LARGE1: variants seen among roughly 807,000 people sequenced by gnomAD.
LARGE1 encodes the protein xylosyl- and glucuronyltransferase LARGE1.
LARGE1 carries 43 observed loss-of-function variants against 87.6 expected under a neutral mutation model. The observed-to-expected ratio is 0.49, with a 90% CI of 0.38 to 0.63. The LOEUF is 0.63. Among genes scored for constraint, LARGE1 ranks in the 30% least tolerant of loss-of-function variants. The pLI, the probability that LARGE1 is intolerant of heterozygous loss-of-function variation, is 0.00. For synonymous variants in LARGE1, 434 were observed against 394.6 expected (o/e 1.10, Z -1.18); for missense variants, 802 against 1,000.2 (o/e 0.80, Z 2.67).
the LARGE1 span, among the ~76,000 whole-genome samples, chr22:33,136,940 A>AAT: frequency 6.6e-6 from 1 of 152,130 alleles, no homozygotes; most frequent in African/African-American, 2.4e-5. Flanking sequence ...AAGGTAAAAA[A>AAT]AAAAATAAAC....
chr22:33,766,085 C>G (rs1015118008), intron 1 of LARGE1, among the ~76,000 whole-genome samples: 3 of 152,108 alleles, frequency 2.0e-5, no homozygotes, highest in African/African-American at 7.2e-5. Flanking sequence ...GAAGTCAACA[C>G]AGAAATCAAC....
intron 2 of LARGE1, among the ~76,000 whole-genome samples, chr22:33,702,534 C>T (rs1489364162): frequency 6.6e-6 from 1 of 152,146 alleles, no homozygotes; most frequent in African/African-American, 2.4e-5. Flanking sequence ...ATTAGACAGT[C>T]GAAGGGACAG....
chr22:33,596,880 AC>A (rs2078990411), intron 5 of LARGE1, among the ~76,000 whole-genome samples: 2 of 152,300 alleles, frequency 1.3e-5, no homozygotes, highest in Admixed American at 6.5e-5. Flanking sequence ...AGCCAGAAAT[AC>A]CCATTTTGAT....
chr22:33,556,305 T>TA (rs1489744663), intron 6 of LARGE1, among the ~76,000 whole-genome samples: 1 of 151,910 alleles, frequency 6.6e-6, no homozygotes, highest in Non-Finnish European at 1.5e-5. Context: ...GCAACAGACT[T>TA]AAAGAGTTTT....
intron 1 of LARGE1, among the ~76,000 whole-genome samples, chr22:33,795,452 G>A (rs1231057128): frequency 1.3e-5 from 2 of 152,156 alleles, no homozygotes; most frequent in Non-Finnish European, 2.9e-5. Flanking sequence ...GAGACAAAGA[G>A]AGAAACACAC....
chr22:33,496,540 C>A (rs1257269178), intron 6 of LARGE1, among the ~76,000 whole-genome samples: 1 of 152,084 alleles, frequency 6.6e-6, no homozygotes, highest in African/African-American at 2.4e-5. Context: ...GCTGAGTCTG[C>A]CAGCAACTTG....
At chr22:33,309,602 C>T (rs1473492594) in intron 11 of LARGE1, among the ~76,000 whole-genome samples, 1 of 152,234 alleles carries the variant, frequency 6.6e-6, no homozygotes, top group African/African-American at 2.4e-5. Flanking sequence ...TGATCTTGGA[C>T]TTCCAGCCTC....
chr22:33,334,536 G>C (rs1938199449), intron 10 of LARGE1, among the ~76,000 whole-genome samples: 1 of 152,196 alleles, frequency 6.6e-6, no homozygotes, highest in South Asian at 2.1e-4. Context: ...TCACAGCTGA[G>C]ACATTTAAAC....
intron 1 of LARGE1, among the ~76,000 whole-genome samples, chr22:33,783,912 G>A (rs1336951852): frequency 6.6e-6 from 1 of 152,128 alleles, no homozygotes; most frequent in Admixed American, 6.6e-5. Context: ...TCCTCAATGG[G>A]CTCTAAAAAG....
intron 2 of LARGE1, among the ~76,000 whole-genome samples, chr22:33,749,689 A>G (rs1056995129): frequency 2.0e-5 from 3 of 152,186 alleles, no homozygotes; most frequent in African/African-American, 7.2e-5. Context: ...ACAAAATGCA[A>G]ACTGCATTAA....
chr22:33,820,413 G>A (rs553449452), intron 1 of LARGE1, among the ~76,000 whole-genome samples: 12 of 151,916 alleles, frequency 7.9e-5, no homozygotes, highest in South Asian at 2.1e-4. Context: ...CCTCAAACTC[G>A]GGGGCTCAAC....
At chr22:33,545,929 T>C (rs5749627) in intron 6 of LARGE1, among the ~76,000 whole-genome samples, 67,932 of 152,076 alleles carry the variant, frequency 0.45, 15,754 homozygotes, top group Admixed American at 0.52. Flanking sequence ...TCTGCTGTTG[T>C]GCTCAACCTC....
downstream of LARGE1, chr22:33,162,148 C>T (rs1922049227): frequency 6.6e-6 from 1 of 152,226 alleles, no homozygotes; most frequent in African/African-American, 2.4e-5. Context: ...GCACCCCACT[C>T]TCATTATAAT....
chr22:33,178,447 T>A (rs1437508812), intron 11 of LARGE1, among the ~76,000 whole-genome samples: 28 of 152,196 alleles, frequency 1.8e-4, no homozygotes, highest in Non-Finnish European at 4.4e-5. Flanking sequence ...ACTCAAGTTA[T>A]GCAGAAGGAG....
intron 2 of LARGE1, among the ~76,000 whole-genome samples, chr22:33,759,172 A>C (rs2084629347): frequency 6.6e-6 from 1 of 152,234 alleles, no homozygotes; most frequent in African/African-American, 2.4e-5. Flanking sequence ...CTCTGCCTGA[A>C]GCCTGCCCTA....
At chr22:33,856,971 C>G (rs917278929) in intron 1 of LARGE1, among the ~76,000 whole-genome samples, 4 of 152,082 alleles carry the variant, frequency 2.6e-5, no homozygotes, top group Non-Finnish European at 5.9e-5. Context: ...CGCTCTGTTG[C>G]CCAGGCTGGA....
chr22:33,123,175 T>A, the LARGE1 span, among the ~76,000 whole-genome samples: 1 of 151,906 alleles, frequency 6.6e-6, no homozygotes, highest in African/African-American at 2.4e-5. Context: ...GCCAGACACA[T>A]TTTACAGCTA....
intron 9 of LARGE1, among the ~76,000 whole-genome samples, chr22:33,353,800 G>T (rs1384572661): frequency 6.6e-6 from 1 of 152,184 alleles, no homozygotes; most frequent in Non-Finnish European, 1.5e-5. Flanking sequence ...AATAACAAAA[G>T]AATTATGGAG....
intron 11 of LARGE1, among the ~76,000 whole-genome samples, chr22:33,191,822 T>A (rs959411240): frequency 1.3e-5 from 2 of 152,200 alleles, no homozygotes; most frequent in South Asian, 4.1e-4. Context: ...AAATTTAAAA[T>A]TGAACAGAAC....
Sources: allele counts gnomAD v4.1 joint callset (sites outside exome capture counted in the v4.1 genomes callset), GRCh38; gene constraint gnomAD v4.1.1; transcripts MANE v1.5; gene names NCBI Gene and HGNC (gene_info 2026-07-23, HGNC 2026-07-21).